The following ELMO1 variants were observed in gnomAD, a reference collection of about 807,000 sequenced individuals.
The protein encoded by ELMO1 is engulfment and cell motility protein 1.
In ELMO1, 26 loss-of-function variants were observed where a neutral mutation model predicts 98.9. The observed-to-expected ratio is 0.26, with a 90% CI of 0.19 to 0.36. The LOEUF is 0.36. Ranked by LOEUF, ELMO1 falls within the 10% of genes least tolerant of loss-of-function variation. The pLI is 1.00. For synonymous variants in ELMO1, 346 were observed against 346.0 expected (o/e 1.00, Z 0.00); for missense variants, 627 against 935.2 (o/e 0.67, Z 4.30).
chr7:36,953,123 G>T (rs1169913573), intron 16 of ELMO1, among the ~76,000 whole-genome samples: 2 of 151,722 alleles, frequency 1.3e-5, no homozygotes, highest in Non-Finnish European at 2.9e-5. Flanking sequence ...CCGCCACCAC[G>T]CCCGGCTAAT....
At chr7:37,060,319 A>G (rs1040743773) in intron 15 of ELMO1, among the ~76,000 whole-genome samples, 1 of 152,224 alleles carries the variant, frequency 6.6e-6, no homozygotes, top group Non-Finnish European at 1.5e-5. Context: ...ATGGAATACT[A>G]CACAGCCATA....
At chr7:37,253,175 C>T (rs999551087) in intron 6 of ELMO1, among the ~76,000 whole-genome samples, 10 of 152,124 alleles carry the variant, frequency 6.6e-5, no homozygotes, top group African/African-American at 2.2e-4. Context: ...CTGGTGATTC[C>T]TCAAGGATCT....
chr7:37,263,510 A>G (rs1412478930), intron 5 of ELMO1, among the ~76,000 whole-genome samples: 1 of 152,196 alleles, frequency 6.6e-6, no homozygotes, highest in Non-Finnish European at 1.5e-5. Flanking sequence ...TAAAAAATCA[A>G]ATATTGATGT....
At chr7:37,038,623 G>T (rs1195772133) in intron 15 of ELMO1, among the ~76,000 whole-genome samples, 1 of 152,184 alleles carries the variant, frequency 6.6e-6, no homozygotes, top group African/African-American at 2.4e-5. Context: ...CTTCCTTCTT[G>T]CTTAGAGATT....
At chr7:37,282,541 T>C (rs919194226) in intron 4 of ELMO1, among the ~76,000 whole-genome samples, 21 of 152,318 alleles carry the variant, frequency 1.4e-4, no homozygotes, top group Middle Eastern at 6.8e-3. Context: ...TACACAGCAA[T>C]GTCTCCAGAC....
intron 15 of ELMO1, among the ~76,000 whole-genome samples, chr7:37,035,483 T>C (rs886312539): frequency 6.6e-6 from 1 of 152,226 alleles, no homozygotes; most frequent in Non-Finnish European, 1.5e-5. Flanking sequence ...TTTTTGTACC[T>C]GCTGCATAAC....
chr7:37,348,631 G>C (rs991243125), intron 1 of ELMO1, among the ~76,000 whole-genome samples: 1 of 152,004 alleles, frequency 6.6e-6, no homozygotes, highest in Non-Finnish European at 1.5e-5. Context: ...CCGTGAACAA[G>C]CCCACTCTTC....
intron 1 of ELMO1, among the ~76,000 whole-genome samples, chr7:37,413,139 G>GTT (rs55918735): frequency 1.1e-4 from 17 of 149,978 alleles, no homozygotes; most frequent in South Asian, 4.2e-4. Flanking sequence ...TTTTTTTTTT[G>GTT]TTTTTTTTAA....
chr7:36,962,998 C>T (rs536084792), intron 16 of ELMO1, among the ~76,000 whole-genome samples: 29 of 152,260 alleles, frequency 1.9e-4, no homozygotes, highest in African/African-American at 5.5e-4. Flanking sequence ...TTTCTAATAG[C>T]GTACAACTGA....
At chr7:37,323,296 C>A (rs1183358349) in intron 2 of ELMO1, among the ~76,000 whole-genome samples, 1 of 152,198 alleles carries the variant, frequency 6.6e-6, no homozygotes, top group Non-Finnish European at 1.5e-5. Flanking sequence ...TTTATCTTAA[C>A]TCTTTTTCTC....
At chr7:36,926,693 C>T (rs1231026431) in intron 16 of ELMO1, among the ~76,000 whole-genome samples, 2 of 152,162 alleles carry the variant, frequency 1.3e-5, no homozygotes, top group Non-Finnish European at 2.9e-5. Context: ...TTCACGTGTG[C>T]TCTTAATATA....
chr7:37,076,438 G>A (rs1235319963), intron 15 of ELMO1, among the ~76,000 whole-genome samples: 1 of 152,156 alleles, frequency 6.6e-6, no homozygotes, highest in African/African-American at 2.4e-5. Flanking sequence ...TTCAGGAAAC[G>A]GTCTCTTTTG....
At chr7:37,324,309 C>A (rs898659059) in intron 2 of ELMO1, among the ~76,000 whole-genome samples, 1 of 152,198 alleles carries the variant, frequency 6.6e-6, no homozygotes, top group Non-Finnish European at 1.5e-5. Flanking sequence ...AATGTGCCCA[C>A]ACACCTGTTT....
At chr7:37,108,596 A>T (rs1240231494) in intron 14 of ELMO1, among the ~76,000 whole-genome samples, 1 of 152,158 alleles carries the variant, frequency 6.6e-6, no homozygotes, top group Non-Finnish European at 1.5e-5. Flanking sequence ...ATAACCTTTT[A>T]TCTGTATCTT....
At position 37,003,686 on chromosome 7, in the gene ELMO1, T is replaced by G. The variant is rs540935844; in HGVS notation, c.1437+9613A>C. On this transcript the variant is annotated intron_variant, in intron 16 of 21. Transcript: ENST00000310758. ...TTAGAGGTTGAATATGCATATGAAG[T>G]TGAATATGCATGTTTTATGATTTAG... Among the ~76,000 whole-genome samples the G allele has an allele frequency of 2.6e-3, 401 of 152,154 alleles. 2 individuals carry two copies. Among genetic ancestry groups the G allele is most frequent in the African/African-American group, 9.3e-3 (386 of 41,578 alleles).
At chr7:36,951,105 G>A (rs1378512467) in intron 16 of ELMO1, among the ~76,000 whole-genome samples, 1 of 152,102 alleles carries the variant, frequency 6.6e-6, no homozygotes, top group East Asian at 1.9e-4. Context: ...CCTTGGTCCA[G>A]GCCACCTCCA....
intron 15 of ELMO1, among the ~76,000 whole-genome samples, chr7:37,054,172 A>C (rs567828122): frequency 3.7e-4 from 57 of 152,354 alleles, no homozygotes; most frequent in African/African-American, 1.3e-3. Context: ...ATGACATAAA[A>C]AATTTATTTT....
chr7:36,870,432 G>A lies in ELMO1; in HGVS notation c.1866C>T (p.Cys622=), dbSNP rs769721143. Reference sequence around the variant, plus strand: ...GGGCACCTTTCTCTTTCATATGAGGGCAGTCCTTTCCCGTCACCACGGCTT... The same window carrying A: ...GGGCACCTTTCTCTTTCATATGAGGACAGTCCTTTCCCGTCACCACGGCTT... The part of the protein sequence containing the change: ...DIKAVVTGKD[C]PHMKEKGALK... Residue 622 remains cysteine (C), a synonymous_variant, in exon 20 of 22, where the codon TGC becomes TGT. Coordinates refer to ENST00000310758, the MANE Select transcript of ELMO1 (RefSeq NM_014800.11). The surrounding 1 kb of genome is among the most constrained non-coding windows in gnomAD (Gnocchi z 4.4). 2.5e-6 allele frequency: 4 copies of A among 1,613,982 alleles called. No individual in the cohort carries two copies. Among genetic ancestry groups the A allele is most frequent in the Admixed American group, 3.3e-5 (2 of 60,008 alleles).
At chr7:36,957,285 C>T (rs749374849) in intron 16 of ELMO1, among the ~76,000 whole-genome samples, 2 of 152,172 alleles carry the variant, frequency 1.3e-5, no homozygotes, top group Non-Finnish European at 2.9e-5. Flanking sequence ...TGAGGCAAAG[C>T]CTTGCAGCTC....
Sources: gnomAD v4.1 joint callset for allele counts (sites outside exome capture counted in the v4.1 genomes callset) on GRCh38, gnomAD v4.1.1 for gene constraint, Gnocchi (gnomAD v3.1) non-coding constraint, MANE v1.5 for transcripts, NCBI Gene and HGNC (gene_info 2026-07-23, HGNC 2026-07-21) for gene names.